DPP6: variants seen among roughly 807,000 people sequenced by gnomAD.
The protein encoded by DPP6 is dipeptidyl peptidase like 6, also known as A-type potassium channel modulatory protein DPP6.
A neutral mutation model predicts 122.6 loss-of-function variants in DPP6; 69 were observed. The ratio of observed to expected loss-of-function variants is 0.56; its 90% confidence interval spans 0.46 to 0.69. The LOEUF is 0.69. Ranked by LOEUF, DPP6 falls within the 30% of genes least tolerant of loss-of-function variation. The pLI is 0.00. For synonymous variants in DPP6, 418 were observed against 433.1 expected (o/e 0.97, Z 0.43); for missense variants, 928 against 1,116.9 (o/e 0.83, Z 2.41).
the DPP6 span, among the ~76,000 whole-genome samples, chr7:153,809,654 T>G: frequency 2.0e-5 from 3 of 152,056 alleles, no homozygotes; most frequent in Admixed American, 6.6e-5. Context: ...GATAATGTGA[T>G]CACCTAAATA....
intron 1 of DPP6, among the ~76,000 whole-genome samples, chr7:154,136,519 G>A (rs1268322120): frequency 2.0e-5 from 3 of 152,166 alleles, no homozygotes; most frequent in Admixed American, 6.5e-5. Flanking sequence ...CCGGTAAGCC[G>A]TATTTTTGTG....
intron 1 of DPP6, among the ~76,000 whole-genome samples, chr7:154,237,978 C>A (rs766275218): frequency 6.6e-6 from 1 of 152,198 alleles, no homozygotes; most frequent in South Asian, 2.1e-4. Context: ...CAGCTCGTGT[C>A]TGAGAGAGGA....
chr7:153,932,891 C>T (rs376076818), intron 1 of DPP6, among the ~76,000 whole-genome samples: 12 of 152,070 alleles, frequency 7.9e-5, no homozygotes, highest in Non-Finnish European at 1.3e-4. Flanking sequence ...GTGTTATGGG[C>T]GGGACGTGGC....
chr7:153,827,635 C>G, the DPP6 span, among the ~76,000 whole-genome samples: 1 of 152,096 alleles, frequency 6.6e-6, no homozygotes, highest in Non-Finnish European at 1.5e-5. Flanking sequence ...AATGGGCAAT[C>G]TAAGACAGCG....
rs1804768459 is a variant in DPP6 at position 154,875,464 on chromosome 7, C to T, written c.1884-442C>T. ...ACAAGAGACAGACCACGTCTTCAAG[C>T]CAGGGATGTGGCTAGAGTCAGCGCG... On this transcript the variant is annotated intron_variant, in intron 19 of 25. Coordinates refer to ENST00000377770, the MANE Select transcript of DPP6 (RefSeq NM_130797.4). This position sits in a 1 kb window ranked among gnomAD's most constrained non-coding sequence, Gnocchi z 4.5. Among the ~76,000 whole-genome samples the T allele has an allele frequency of 6.6e-6, 1 of 152,198 alleles. No homozygotes were observed. Among genetic ancestry groups the T allele is most frequent in the South Asian group, 2.1e-4 (1 of 4,834 alleles).
At chr7:154,457,899 C>T (rs1457744206) in intron 2 of DPP6, among the ~76,000 whole-genome samples, 1 of 17,348 alleles carries the variant, frequency 5.8e-5, no homozygotes, top group African/African-American at 1.7e-4. Flanking sequence ...GTGCAGCGCA[C>T]CAGCATGGCA....
At chr7:154,470,631 C>A (rs558783545) in intron 2 of DPP6, among the ~76,000 whole-genome samples, 1 of 152,232 alleles carries the variant, frequency 6.6e-6, no homozygotes, top group South Asian at 2.1e-4. Context: ...GAGAAATTTG[C>A]ATTACACATT....
intron 10 of DPP6, among the ~76,000 whole-genome samples, chr7:154,788,025 G>C (rs1245256481): frequency 6.6e-6 from 1 of 152,114 alleles, no homozygotes; most frequent in Non-Finnish European, 1.5e-5. Context: ...TCATCAAATT[G>C]ATAGTAGTTT....
Position 154,474,919 on chromosome 7 carries a change from T to C in DPP6, c.359-20T>C. On this transcript the variant is annotated intron_variant, in intron 2 of 25. Coordinates refer to ENST00000377770, the MANE Select transcript of DPP6 (RefSeq NM_130797.4). ...TAATTATGAAACAAGCTTAACTCTTTGCTTTTTATTTTTTTCTAGCGGAAG... is the reference window on the plus strand; with the variant it reads ...TAATTATGAAACAAGCTTAACTCTTCGCTTTTTATTTTTTTCTAGCGGAAG... The C allele has an allele frequency of 1.3e-6, 2 of 1,582,268 alleles. No individual in the cohort carries two copies. Among genetic ancestry groups the C allele is most frequent in the Non-Finnish European group, 1.7e-6 (2 of 1,151,918 alleles).
intron 5 of DPP6, among the ~76,000 whole-genome samples, chr7:154,630,206 C>T (rs867909884): frequency 1.4e-4 from 21 of 152,196 alleles, no homozygotes; most frequent in African/African-American, 4.8e-4. Context: ...CACCTAGCCA[C>T]CCTCTTCTGC....
chr7:154,450,061 A>G (rs1820230555), intron 2 of DPP6, among the ~76,000 whole-genome samples: 1 of 150,896 alleles, frequency 6.6e-6, no homozygotes, highest in African/African-American at 2.4e-5. Flanking sequence ...AATAAATGTG[A>G]TGTAACCATA....
At chr7:154,196,342 T>C (rs1487946857) in intron 1 of DPP6, among the ~76,000 whole-genome samples, 1 of 152,080 alleles carries the variant, frequency 6.6e-6, no homozygotes, top group African/African-American at 2.4e-5. Flanking sequence ...ATACAAAAAT[T>C]AGCTGGGCAC....
chr7:153,871,200 C>T, the DPP6 span, among the ~76,000 whole-genome samples: 1 of 152,358 alleles, frequency 6.6e-6, no homozygotes, highest in Non-Finnish European at 1.5e-5. Flanking sequence ...ACATTTAAGT[C>T]TGCAGAGGTT....
intron 8 of DPP6, among the ~76,000 whole-genome samples, chr7:154,761,468 C>T (rs867515860): frequency 6.6e-6 from 1 of 152,092 alleles, no homozygotes; most frequent in African/African-American, 2.4e-5. Flanking sequence ...TGTGTGAGGC[C>T]GTTCTTGCAT....
intron 1 of DPP6, among the ~76,000 whole-genome samples, chr7:154,054,513 G>A (rs1800654032): frequency 2.0e-5 from 3 of 152,174 alleles, no homozygotes; most frequent in African/African-American, 7.2e-5. Context: ...ACAGCCCTGC[G>A]TCAGATTTTG....
chr7:154,139,182 C>A (rs1008012408), intron 1 of DPP6, among the ~76,000 whole-genome samples: 7 of 150,754 alleles, frequency 4.6e-5, no homozygotes, highest in African/African-American at 1.7e-4. Context: ...GGCTGAGTCG[C>A]ATGCAGGCCA....
chr7:154,284,842 G>A (rs1299195153), intron 1 of DPP6, among the ~76,000 whole-genome samples: 6 of 152,176 alleles, frequency 3.9e-5, no homozygotes, highest in African/African-American at 1.4e-4. Context: ...GTGACAGAGC[G>A]AGACTTCATC....
Position 154,804,909 on chromosome 7 carries a change from C to A in DPP6, c.1500-8C>A. 6.2e-7 allele frequency: 1 copy of A among 1,600,626 alleles called. No homozygotes were observed. On this transcript the variant is annotated splice_polypyrimidine_tract_variant and splice_region_variant and intron_variant, in intron 14 of 25. Transcript: ENST00000377770. ...AACTAACCCTGTGCACCTTGGTGAT[C>A]TTTGCAGCTACTTCCTGAGCACGGA...
At chr7:154,701,098 A>G (rs2131264580) in intron 7 of DPP6, among the ~76,000 whole-genome samples, 1 of 152,198 alleles carries the variant, frequency 6.6e-6, no homozygotes, top group East Asian at 1.9e-4. Flanking sequence ...GATCTGGTTG[A>G]CCCATTTCCT....
Sources: gnomAD v4.1 joint callset for allele counts (sites outside exome capture counted in the v4.1 genomes callset) on GRCh38, gnomAD v4.1.1 for gene constraint, Gnocchi (gnomAD v3.1) non-coding constraint, MANE v1.5 for transcripts, NCBI Gene and HGNC (gene_info 2026-07-23, HGNC 2026-07-21) for gene names.